Variants in COA8 observed in about 807,000 individuals in gnomAD.
COA8 encodes the protein UPF0671 protein C14orf153.
A neutral mutation model predicts 22.0 loss-of-function variants in COA8; 20 were observed. The observed-to-expected ratio is 0.91, with a 90% CI of 0.64 to 1.32. The LOEUF is 1.32. Among genes scored for constraint, COA8 ranks in the 40% most tolerant of loss-of-function variants. The pLI, the probability that COA8 is intolerant of heterozygous loss-of-function variation, is 0.00. For synonymous variants in COA8, 105 were observed against 79.9 expected (o/e 1.31, Z -1.68); for missense variants, 266 against 230.0 (o/e 1.16, Z -1.01).
intron 1 of COA8, among the ~76,000 whole-genome samples, chr14:103,569,641 G>A (rs2076166383): frequency 6.6e-6 from 1 of 152,244 alleles, no homozygotes. Context: ...CAGCTCGGAG[G>A]AGGGAAGGAG....
chr14:103,564,571 C>CTTTTTTTTTT lies in COA8; in HGVS notation c.123+1464_123+1473dup, dbSNP rs561702478. 6.6e-5 allele frequency among the ~76,000 whole-genome samples: 6 copies of CTTTTTTTTTT among 91,460 alleles called. 1 individual carries two copies. The highest frequency in any genetic ancestry group is 6.3e-5 in the Non-Finnish European group (3 of 47,532). 60.0% of individuals were successfully genotyped at this position (91,460 alleles called of 152,430 possible). ...GATTTCTCTATTGTCATATACACTT[C>CTTTTTTTTTT]TTTTTTTTTTTTTTTTTTTTTTTTT... On this transcript the variant is annotated intron_variant, in intron 1 of 4. Transcript: ENST00000409074.
intron 3 of COA8, among the ~76,000 whole-genome samples, chr14:103,578,465 T>C (rs2142293445): frequency 6.6e-6 from 1 of 152,314 alleles, no homozygotes; most frequent in East Asian, 1.9e-4. Context: ...AGGCAGGCAG[T>C]ATTGTGGGAG....
intron 3 of COA8, among the ~76,000 whole-genome samples, chr14:103,578,085 T>C (rs2076242241): frequency 6.9e-6 from 1 of 144,400 alleles, no homozygotes; most frequent in African/African-American, 2.6e-5. Context: ...TCCCAACTAC[T>C]CGGGAGGCTG....
intron 3 of COA8, among the ~76,000 whole-genome samples, chr14:103,585,099 C>T (rs915793366): frequency 3.3e-5 from 5 of 151,764 alleles, no homozygotes; most frequent in African/African-American, 9.7e-5. Flanking sequence ...GATTGCGCCA[C>T]TGCACTCCAG....
intron 3 of COA8, among the ~76,000 whole-genome samples, chr14:103,578,024 C>CAAAAA (rs780479034): frequency 4.1e-4 from 20 of 49,104 alleles, no homozygotes; most frequent in East Asian, 1.5e-3. Flanking sequence ...AACTCCATCT[C>CAAAAA]AAAAAAAAAA....
intron 3 of COA8, among the ~76,000 whole-genome samples, chr14:103,583,744 G>A (rs937079696): frequency 7.2e-5 from 11 of 152,156 alleles, no homozygotes; most frequent in African/African-American, 2.4e-4. Flanking sequence ...CCTCCACTGA[G>A]GCAGTCTTTC....
Position 103,563,085 on chromosome 14 carries a change from G to A in COA8, c.84G>A (p.Pro28=). 1 of 1,540,140 alleles carries A rather than the reference G, an allele frequency of 6.5e-7. No homozygotes were observed. Among genetic ancestry groups the A allele is most frequent in the Non-Finnish European group, 8.7e-7 (1 of 1,147,978 alleles). The change falls in exon 1 of 5, where the codon CCG becomes CCA. Residue 28 remains proline, a synonymous_variant. Coordinates refer to ENST00000409074, the MANE Select transcript of COA8 (RefSeq NM_001370595.2). ...AFACRGCQLA[P]ERGAERRDTA... The stretch of plus-strand genomic sequence containing the variant: ...CCTGCCGCGGCTGTCAACTCGCTCC[G>A]GAGCGCGGCGCCGAGCGCAGGGATA...
chr14:103,570,273 A>G (rs891729426), intron 1 of COA8, among the ~76,000 whole-genome samples: 1 of 152,166 alleles, frequency 6.6e-6, no homozygotes, highest in African/African-American at 2.4e-5. Flanking sequence ...TCTAAAAAGG[A>G]TTCCTAAATT....
Position 103,574,127 on chromosome 14 carries a change from C to G in COA8, c.342C>G (p.His114Gln). The G allele has an allele frequency of 1.2e-6, 1 of 810,628 alleles. No homozygotes were observed. The highest frequency in any genetic ancestry group is 2.0e-6 in the Non-Finnish European group (1 of 512,394). 50.2% of individuals were successfully genotyped at this position (810,628 alleles called of 1,614,324 possible). A position where few individuals can be genotyped will look rare whatever the true frequency, so the allele number is the denominator to read the frequency against. ...TTAAGGAAAAAGAAGAATTTATTCA[C>G]TCAAGACTAAAAACTAAAGGCCTGG... ...TFSKEKEEFI[H>Q]SRLKTKGLGL... Residue 114 changes from histidine to glutamine, a missense_variant, in exon 3 of 5, where the codon CAC becomes CAG. Coordinates refer to ENST00000409074, the MANE Select transcript of COA8 (RefSeq NM_001370595.2).
intron 3 of COA8, among the ~76,000 whole-genome samples, chr14:103,575,922 C>T (rs2076226558): frequency 6.6e-6 from 1 of 152,056 alleles, no homozygotes; most frequent in Admixed American, 6.5e-5. Flanking sequence ...AGGCTGGTCT[C>T]AAACTCCTGA....
At chr14:103,572,669 G>A (rs2076196427) in intron 2 of COA8, among the ~76,000 whole-genome samples, 1 of 152,016 alleles carries the variant, frequency 6.6e-6, no homozygotes, top group Admixed American at 6.6e-5. Flanking sequence ...GGCGGAGGTT[G>A]CAATGAGCCG....
chr14:103,571,229 C>T (rs552539288), intron 1 of COA8, among the ~76,000 whole-genome samples: 2 of 152,106 alleles, frequency 1.3e-5, no homozygotes, highest in South Asian at 2.1e-4. Context: ...ATTAGCCGGG[C>T]GTGGTGATGG....
intron 3 of COA8, among the ~76,000 whole-genome samples, chr14:103,585,211 G>A (rs998453439): frequency 6.6e-6 from 1 of 151,810 alleles, no homozygotes; most frequent in African/African-American, 2.4e-5. Context: ...AGGCGCGGTG[G>A]CTCACGCCTG....
chr14:103,589,725 G>T (rs1257180142), intron 4 of COA8, among the ~76,000 whole-genome samples: 4 of 151,928 alleles, frequency 2.6e-5, no homozygotes, highest in Non-Finnish European at 5.9e-5. Flanking sequence ...GGCTAACACG[G>T]TGAAACCCTG....
chr14:103,586,441 C>G (rs2076307820), intron 3 of COA8, among the ~76,000 whole-genome samples: 1 of 151,586 alleles, frequency 6.6e-6, no homozygotes, highest in African/African-American at 2.4e-5. Context: ...CTCCTGGTCC[C>G]AAGTGATCCT....
At chr14:103,584,635 C>T (rs2076292123) in intron 3 of COA8, among the ~76,000 whole-genome samples, 1 of 152,028 alleles carries the variant, frequency 6.6e-6, no homozygotes, top group African/African-American at 2.4e-5. Context: ...TTTTTATTTC[C>T]ACCAGCAATG....
chr14:103,588,480 A>T (rs557608132), intron 4 of COA8, among the ~76,000 whole-genome samples: 119 of 143,898 alleles, frequency 8.3e-4, no homozygotes, highest in East Asian at 2.4e-3. Context: ...TAATTAAAAA[A>T]ATATATATAT....
rs185796978 is a variant in COA8 at position 103,568,892 on chromosome 14, A to G, written c.124-2731A>G. 3.9e-5 allele frequency among the ~76,000 whole-genome samples: 6 copies of G among 152,194 alleles called. No homozygotes were observed. The East Asian group carries it at 1.2e-3, about 29-fold the overall frequency. On this transcript the variant is annotated intron_variant, in intron 1 of 4. Transcript: ENST00000409074. Reference sequence around the variant, plus strand: ...AATGATCCACCTGCTTCGGCTTCCCAAAGTGCTGGGATGACAGGCGTGAGC... The same window carrying G: ...AATGATCCACCTGCTTCGGCTTCCCGAAGTGCTGGGATGACAGGCGTGAGC...
At position 103,584,034 on chromosome 14, in the gene COA8, TTTTG is replaced by T. The variant is rs567440513; in HGVS notation, c.386-3224_386-3221del. Among the ~76,000 whole-genome samples, 421 of 152,270 alleles carry T rather than the reference TTTTG, an allele frequency of 2.8e-3. 3 individuals carry two copies. The highest frequency in any genetic ancestry group is 9.7e-3 in the African/African-American group (402 of 41,560). On this transcript the variant is annotated intron_variant, in intron 3 of 4. Coordinates refer to ENST00000409074, the MANE Select transcript of COA8 (RefSeq NM_001370595.2). ...CTGGGCATGCCATCCTCCCAGCACCTTTTGTTTGTTTGTTTGTTTTTTTGAGCAG... is the reference window on the plus strand; with the variant it reads ...CTGGGCATGCCATCCTCCCAGCACCTTTTGTTTGTTTGTTTTTTTGAGCAG...
Sources: allele counts gnomAD v4.1 joint callset (sites outside exome capture counted in the v4.1 genomes callset), GRCh38; gene constraint gnomAD v4.1.1; transcripts MANE v1.5; gene names NCBI Gene and HGNC (gene_info 2026-07-23, HGNC 2026-07-21).